The following ADGRL3 variants were observed in gnomAD, a reference collection of about 807,000 sequenced individuals.
ADGRL3 encodes adhesion G protein-coupled receptor L3.
A neutral mutation model predicts 153.5 loss-of-function variants in ADGRL3; 62 were observed. The ratio of observed to expected loss-of-function variants is 0.40; its 90% CI spans 0.33 to 0.50. The LOEUF is 0.50. ADGRL3 is among the 20% of genes least tolerant of loss of function. ADGRL3 has a pLI of 0.47. For synonymous variants in ADGRL3, 710 were observed against 672.5 expected (o/e 1.06, Z -0.86); for missense variants, 1,641 against 1,859.4 (o/e 0.88, Z 2.16).
intron 8 of ADGRL3, among the ~76,000 whole-genome samples, chr4:61,744,696 A>T (rs2096630848): frequency 6.6e-6 from 1 of 152,228 alleles, no homozygotes; most frequent in South Asian, 2.1e-4. Flanking sequence ...AAGGACATCC[A>T]CACCAAAAAA....
At chr4:61,745,742 C>A (rs1219458327) in intron 8 of ADGRL3, among the ~76,000 whole-genome samples, 1 of 152,144 alleles carries the variant, frequency 6.6e-6, no homozygotes, top group African/African-American at 2.4e-5. Flanking sequence ...CTGGTACCAG[C>A]CACTGCAAAA....
intron 9 of ADGRL3, among the ~76,000 whole-genome samples, chr4:61,869,471 G>A (rs896343017): frequency 5.3e-5 from 8 of 151,610 alleles, no homozygotes; most frequent in Non-Finnish European, 1.0e-4. Context: ...GGTGGCGGGC[G>A]CCTGTAGTCC....
chr4:61,539,422 C>T (rs948395457), intron 4 of ADGRL3, among the ~76,000 whole-genome samples: 4 of 152,152 alleles, frequency 2.6e-5, no homozygotes, highest in Admixed American at 2.6e-4. Context: ...CTCCCTCATC[C>T]CCTATGGGTG....
intron 8 of ADGRL3, among the ~76,000 whole-genome samples, chr4:61,773,368 G>A (rs1226318492): frequency 3.3e-5 from 5 of 152,078 alleles, no homozygotes. Flanking sequence ...CTTTTTCCTA[G>A]TACTATTGTC....
intron 9 of ADGRL3, among the ~76,000 whole-genome samples, chr4:61,867,117 A>AT (rs201847100): frequency 6.6e-6 from 1 of 152,042 alleles, no homozygotes; most frequent in Non-Finnish European, 1.5e-5. Context: ...GCCCATATCT[A>AT]TTTTTTTAGC....
At chr4:61,710,885 G>T (rs2095964690) in intron 6 of ADGRL3, among the ~76,000 whole-genome samples, 1 of 152,004 alleles carries the variant, frequency 6.6e-6, no homozygotes, top group Non-Finnish European at 1.5e-5. Flanking sequence ...TTTTGACATT[G>T]GCTGTACTTC....
chr4:61,713,334 C>T (rs2151506029), intron 6 of ADGRL3, among the ~76,000 whole-genome samples: 1 of 151,966 alleles, frequency 6.6e-6, no homozygotes, highest in East Asian at 1.9e-4. Flanking sequence ...CTTATTAACT[C>T]ATCATTAAGT....
At chr4:61,613,282 A>C (rs2149712935) in intron 5 of ADGRL3, among the ~76,000 whole-genome samples, 1 of 152,206 alleles carries the variant, frequency 6.6e-6, no homozygotes, top group Middle Eastern at 3.4e-3. Context: ...TGAGAGTATA[A>C]TTTTTATTTT....
chr4:61,861,756 A>G (rs1317885955), intron 9 of ADGRL3, among the ~76,000 whole-genome samples: 1 of 152,054 alleles, frequency 6.6e-6, no homozygotes, highest in Non-Finnish European at 1.5e-5. Context: ...AGCCAAGAAG[A>G]TTTGAAGATT....
At chr4:61,771,657 C>T (rs1457551616) in intron 8 of ADGRL3, among the ~76,000 whole-genome samples, 1 of 152,140 alleles carries the variant, frequency 6.6e-6, no homozygotes. Context: ...TGGGCTTAAA[C>T]AGTCCTTCTG....
intron 1 of ADGRL3, among the ~76,000 whole-genome samples, chr4:61,381,681 A>G (rs962880689): frequency 6.6e-6 from 1 of 152,006 alleles, no homozygotes; most frequent in African/African-American, 2.4e-5. Flanking sequence ...CCTGTAGAGA[A>G]CAACCCATGA....
chr4:61,629,755 A>C (rs1036847023), intron 5 of ADGRL3, among the ~76,000 whole-genome samples: 1 of 147,602 alleles, frequency 6.8e-6, no homozygotes, highest in Non-Finnish European at 1.5e-5. Flanking sequence ...AAAAAAAAAA[A>C]AAAAAAAAAA....
At chr4:62,055,781 G>T (rs1736687464) in intron 25 of ADGRL3, among the ~76,000 whole-genome samples, 2 of 151,606 alleles carry the variant, frequency 1.3e-5, no homozygotes, top group Admixed American at 6.6e-5. Context: ...GATTGTTTAT[G>T]TGTGTTGATA....
rs2094914974 is a variant in ADGRL3 at position 61,669,370 on chromosome 4, T to C, written c.474-7456T>C. 2.0e-5 allele frequency among the ~76,000 whole-genome samples: 3 copies of C among 152,170 alleles called. No homozygotes were observed. The South Asian group carries it at 6.2e-4, about 31-fold the overall frequency. On this transcript the variant is annotated intron_variant, in intron 5 of 26. Coordinates refer to ENST00000683033, the MANE Select transcript of ADGRL3 (RefSeq NM_001387552.1). ...AGGCAGTAGAAAATAAGGAAACTAC[T>C]GTCTTGAGGAGGAAAATAGAGAATT...
At chr4:61,445,781 A>C (rs1230206218) in intron 2 of ADGRL3, among the ~76,000 whole-genome samples, 3 of 152,224 alleles carry the variant, frequency 2.0e-5, no homozygotes, top group Non-Finnish European at 4.4e-5. Flanking sequence ...TTGACATTTC[A>C]GTCAATGAAA....
At chr4:61,462,552 T>C (rs1173462883) in intron 2 of ADGRL3, among the ~76,000 whole-genome samples, 1 of 152,144 alleles carries the variant, frequency 6.6e-6, no homozygotes, top group Non-Finnish European at 1.5e-5. Context: ...CAGAAAAATA[T>C]GTACTAAAAC....
chr4:61,346,794 A>G (rs2095921519), intron 1 of ADGRL3, among the ~76,000 whole-genome samples: 1 of 151,650 alleles, frequency 6.6e-6, no homozygotes, highest in Non-Finnish European at 1.5e-5. Context: ...AAAAAAAAAA[A>G]AAAAAAAAGC....
chr4:61,436,383 A>G (rs950619789), intron 2 of ADGRL3, among the ~76,000 whole-genome samples: 9 of 152,196 alleles, frequency 5.9e-5, no homozygotes, highest in African/African-American at 1.7e-4. Context: ...ATATACATTT[A>G]TGTCAGCTGA....
At chr4:61,375,552 T>C (rs1381415963) in intron 1 of ADGRL3, among the ~76,000 whole-genome samples, 1 of 152,154 alleles carries the variant, frequency 6.6e-6, no homozygotes, top group Non-Finnish European at 1.5e-5. Context: ...GATTTTGGTA[T>C]GTTTAACCAG....
Sources: allele counts gnomAD v4.1 joint callset (sites outside exome capture counted in the v4.1 genomes callset), GRCh38; gene constraint gnomAD v4.1.1; transcripts MANE v1.5; gene names NCBI Gene and HGNC (gene_info 2026-07-23, HGNC 2026-07-21).